The following CEP104 variants were observed in gnomAD, a reference collection of about 807,000 sequenced individuals.
CEP104 encodes centrosomal protein 104, also known as centrosomal protein of 104 kDa.
In CEP104, 84 loss-of-function variants were observed where a neutral mutation model predicts 113.3. The observed-to-expected ratio is 0.74, with a 90% CI of 0.62 to 0.89. CEP104 has a LOEUF of 0.89. Among genes scored for constraint, CEP104 ranks in the 40% least tolerant of loss-of-function variants. The pLI is 0.00. For synonymous variants in CEP104, 378 were observed against 421.7 expected (o/e 0.90, Z 1.27); for missense variants, 1,053 against 1,156.6 (o/e 0.91, Z 1.30).
At chr1:3,829,162 A>G (rs1644150213) in intron 15 of CEP104, 104 bp downstream of exon 15, 2 of 792,156 alleles carry the variant, frequency 2.5e-6, no homozygotes, top group Non-Finnish European at 3.9e-6. Context: ...CAAGACGCTC[A>G]TTTGCATAAT....
Position 3,839,003 on chromosome 1 carries a change from G to A in CEP104, c.852C>T (p.Tyr284=), listed in dbSNP as rs774609492. Residue 284 remains tyrosine (Y), a synonymous_variant, in exon 8 of 22, where the codon TAC becomes TAT. Coordinates refer to ENST00000378230, the MANE Select transcript of CEP104 (RefSeq NM_014704.4). ...GGAGGCTGTGCAGCTCCAGCTGCTCGTACACCTCGGCACGATACTGCTCCA... is the reference window on the plus strand; with the variant it reads ...GGAGGCTGTGCAGCTCCAGCTGCTCATACACCTCGGCACGATACTGCTCCA... The part of the protein sequence containing the change: ...QQMEQYRAEV[Y]EQLELHSLLD... The A allele has an allele frequency of 7.4e-6, 12 of 1,613,954 alleles. No individual in the cohort carries two copies. The highest frequency in any genetic ancestry group is 2.2e-5 in the East Asian group (1 of 44,884).
intron 10 of CEP104, 87 bp downstream of exon 10, chr1:3,836,408 T>C: frequency 7.2e-7 from 1 of 1,381,164 alleles, no homozygotes. Context: ...TTTCCCTCCT[T>C]TATGTGTAAG....
Position 3,829,989 on chromosome 1 carries a change from C to A in CEP104, c.1845G>T (p.Val615=). Reference sequence around the variant, plus strand: ...CATACACTCTATGCTCCAGGGCACTCACTGAAAACTAAAGTTGGGAGGGGC... The same window carrying A: ...CATACACTCTATGCTCCAGGGCACTAACTGAAAACTAAAGTTGGGAGGGGC... The part of the protein sequence containing the change: ...FTIDNVMKFS[V]SALEHRVYEV... The change falls in exon 14 of 22, where the codon GTG becomes GTT. Residue 615 remains valine, a synonymous_variant. Transcript: ENST00000378230. 1 of 1,613,488 alleles carries A rather than the reference C, an allele frequency of 6.2e-7. No individual in the cohort carries two copies. Among genetic ancestry groups the A allele is most frequent in the South Asian group, 1.1e-5 (1 of 91,022 alleles).
intron 21 of CEP104, 107 bp from the exon 22 acceptor site, chr1:3,815,624 T>A: frequency 1.4e-6 from 1 of 720,512 alleles, no homozygotes; most frequent in Non-Finnish European, 2.2e-6. Flanking sequence ...AGGCCCATGC[T>A]GATGGCCGTC....
In CEP104 at chr1:3,852,287, G is replaced by A. The variant is rs760646241; in HGVS notation, c.113+8C>T. 1 of 1,612,586 alleles carries A rather than the reference G, an allele frequency of 6.2e-7. No individual in the cohort carries two copies. The highest frequency in any genetic ancestry group is 8.5e-7 in the Non-Finnish European group (1 of 1,179,664). On this transcript the variant is annotated splice_region_variant and intron_variant, in intron 2 of 21. Transcript: ENST00000378230. ...CCCAGCCCAAGCCCCGCCCCGTCCA[G>A]TCCTCACCTAGGTGACCGCCACCCA...
intron 2 of CEP104, among the ~76,000 whole-genome samples, chr1:3,851,800 C>G (rs1644616275): frequency 6.6e-6 from 1 of 152,166 alleles, no homozygotes; most frequent in Non-Finnish European, 1.5e-5. Flanking sequence ...CAGGCGGGAG[C>G]CACTGTGCCC....
At chr1:3,853,665 C>T (rs968836774) in intron 1 of CEP104, among the ~76,000 whole-genome samples, 7 of 152,050 alleles carry the variant, frequency 4.6e-5, no homozygotes, top group African/African-American at 1.7e-4. Context: ...AATGTATGAA[C>T]AAAAGCACTA....
At position 3,836,594 on chromosome 1, in the gene CEP104, G is replaced by A. The variant is rs770782494; in HGVS notation, c.1218C>T (p.Ser406=). Residue 406 remains serine (S), a synonymous_variant, in exon 10 of 22, where the codon AGC becomes AGT. Coordinates refer to ENST00000378230, the MANE Select transcript of CEP104 (RefSeq NM_014704.4). ...VEPEMSNADI[S]DARRGGMLGE... is the part of the protein sequence containing the mutation. Reference sequence around the variant, plus strand: ...CTAACATGCCTCCCCTCCGAGCATCGCTGATGTCTGCATTACTCATTTCCG... The same window carrying A: ...CTAACATGCCTCCCCTCCGAGCATCACTGATGTCTGCATTACTCATTTCCG... 8 of 1,608,456 alleles carry A rather than the reference G, an allele frequency of 5.0e-6. No individual in the cohort carries two copies. The highest frequency in any genetic ancestry group is 1.7e-4 in the Middle Eastern group (1 of 6,032).
intron 9 of CEP104, chr1:3,836,926 A>ATTCC (rs1644326221): frequency 3.8e-6 from 2 of 532,286 alleles, no homozygotes; most frequent in Non-Finnish European, 6.6e-6. Context: ...TAATAAAAAA[A>ATTCC]AGCAAGGTAG....
At position 3,823,787 on chromosome 1, in the gene CEP104, A is replaced by G. The variant is rs1426557018; in HGVS notation, c.2365-225T>C. ...GTCCTTCCTTTCCTGTCATCTTAGCATCGGGCAGGGGCCACTGTCAAGGAT... is the reference window on the plus strand; with the variant it reads ...GTCCTTCCTTTCCTGTCATCTTAGCGTCGGGCAGGGGCCACTGTCAAGGAT... On this transcript the variant is annotated intron_variant, in intron 18 of 21. Coordinates refer to ENST00000378230, the MANE Select transcript of CEP104 (RefSeq NM_014704.4). This position sits in a 1 kb window ranked among gnomAD's most constrained non-coding sequence, Gnocchi z 4.1. 6.6e-6 allele frequency among the ~76,000 whole-genome samples: 1 copy of G among 152,166 alleles called. No homozygotes were observed. The highest frequency in any genetic ancestry group is 1.5e-5 in the Non-Finnish European group (1 of 68,034).
intron 13 of CEP104, 56 bp downstream of exon 13, chr1:3,830,990 C>T (rs2124658983): frequency 6.6e-7 from 1 of 1,515,356 alleles, no homozygotes; most frequent in Non-Finnish European, 9.0e-7. Context: ...CGCCACGCTC[C>T]AGGCACTGTG....
intron 1 of CEP104, 88 bp downstream of exon 1, chr1:3,856,801 C>T: frequency 6.8e-6 from 1 of 146,208 alleles, no homozygotes; most frequent in Non-Finnish European, 1.5e-5. Context: ...CAGGTGGGGA[C>T]CGCGCCCCCG....
At position 3,816,388 on chromosome 1, in the gene CEP104, C is replaced by T; in HGVS notation, c.2572-18G>A. 6.5e-7 allele frequency: 1 copy of T among 1,544,072 alleles called. No homozygotes were observed. The highest frequency in any genetic ancestry group is 8.8e-7 in the Non-Finnish European group (1 of 1,142,440). ...TTCCATGCCTGCAGCAGAGGAGGCA[C>T]ACAGAGTGTTAATCAGGCGAGACGG... On this transcript the variant is annotated intron_variant, in intron 20 of 21. Coordinates refer to ENST00000378230, the MANE Select transcript of CEP104 (RefSeq NM_014704.4).
Position 3,815,221 on chromosome 1 carries a change from C to A in CEP104, c.*181G>T. 1.7e-6 allele frequency: 1 copy of A among 596,706 alleles called. No individual in the cohort carries two copies. 37.0% of individuals were successfully genotyped at this position (596,706 alleles called of 1,614,324 possible). A position where few individuals can be genotyped will look rare whatever the true frequency, so the allele number is the denominator to read the frequency against. ...CACTGCACGCAGGATCTTTGGTTAG[C>A]TGCATCCATATCGTTTGCACGAGAG... On this transcript the variant is annotated 3_prime_UTR_variant, in exon 22 of 22. Transcript: ENST00000378230.
rs17403773 is a variant in CEP104, at chr1:3,830,146, C to T, written c.1837-149G>A. On this transcript the variant is annotated intron_variant, in intron 13 of 21. Coordinates refer to ENST00000378230, the MANE Select transcript of CEP104 (RefSeq NM_014704.4). ...GAAATACTTCAAACATAAAACCTCA[C>T]GGATCTACCGTCTCATCGTAAGCCG... 0.12 allele frequency: 77,486 copies of T among 621,790 alleles called. 5,237 individuals carry two copies. The highest frequency in any genetic ancestry group is 0.14 in the African/African-American group (7,396 of 54,164). 38.5% of individuals were successfully genotyped at this position (621,790 alleles called of 1,614,324 possible). A position where few individuals can be genotyped will look rare whatever the true frequency, so the allele number is the denominator to read the frequency against.
chr1:3,816,060 C>T, intron 21 of CEP104: 1 of 511,546 alleles, frequency 2.0e-6, no homozygotes, highest in Non-Finnish European at 3.5e-6. Context: ...GGAGCCTTCG[C>T]ACTGCACAGC....
At chr1:3,844,494 C>T (rs6681372) in intron 6 of CEP104, among the ~76,000 whole-genome samples, 24,193 of 151,770 alleles carry the variant, frequency 0.16, 2,212 homozygotes, top group African/African-American at 0.24. Flanking sequence ...AAGACTCCAT[C>T]GAGACCAGCC....
intron 18 of CEP104, 33 bp downstream of exon 18, chr1:3,825,725 G>GC (rs1284800004): frequency 7.2e-7 from 1 of 1,381,664 alleles, no homozygotes; most frequent in South Asian, 1.2e-5. Context: ...TCCCGCTCAT[G>GC]CAAGTAGCTG....
intron 2 of CEP104, 22 bp downstream of exon 2, chr1:3,852,273 C>G: frequency 6.2e-7 from 1 of 1,606,262 alleles, no homozygotes. Flanking sequence ...CCAGCCCAAG[C>G]CCCGCCCCGT....
Sources: allele counts gnomAD v4.1 joint callset (sites outside exome capture counted in the v4.1 genomes callset), GRCh38; gene constraint gnomAD v4.1.1; non-coding constraint Gnocchi (gnomAD v3.1); transcripts MANE v1.5; gene names NCBI Gene and HGNC (gene_info 2026-07-23, HGNC 2026-07-21).